PPP2R5E: variants seen among roughly 807,000 people sequenced by gnomAD.
PPP2R5E encodes the protein serine/threonine-protein phosphatase 2A 56 kDa regulatory subunit epsilon isoform.
A neutral mutation model predicts 65.3 loss-of-function variants in PPP2R5E; 4 were observed. The ratio of observed to expected loss-of-function variants is 0.06; its 90% CI spans 0.03 to 0.14. The LOEUF (loss-of-function observed/expected upper bound fraction) is 0.14. Ranked by LOEUF, PPP2R5E falls within the 10% of genes least tolerant of loss-of-function variation. The pLI, the probability that PPP2R5E is intolerant of heterozygous loss-of-function variation, is 1.00. For missense variants in PPP2R5E, 274 were observed against 556.1 expected (o/e 0.49, Z 5.10); for synonymous variants, 183 against 187.4 (o/e 0.98, Z 0.19).
chr14:63,444,193 T>C (rs1258336371), intron 3 of PPP2R5E, among the ~76,000 whole-genome samples: 1 of 152,234 alleles, frequency 6.6e-6, no homozygotes, highest in African/African-American at 2.4e-5. Context: ...TGTAACAACG[T>C]AGCATGACTG....
intron 11 of PPP2R5E, among the ~76,000 whole-genome samples, chr14:63,385,831 G>A (rs1884633147): frequency 6.6e-6 from 1 of 152,138 alleles, no homozygotes; most frequent in South Asian, 2.1e-4. Context: ...CCCTTCCTGT[G>A]CAAGCCAGGA....
chr14:63,510,186 G>A (rs1414030060), intron 2 of PPP2R5E, among the ~76,000 whole-genome samples: 4 of 152,182 alleles, frequency 2.6e-5, no homozygotes, highest in Non-Finnish European at 5.9e-5. Flanking sequence ...GTCCAGCTGA[G>A]CATCAACGAA....
chr14:63,441,130 T>C (rs191994842), intron 3 of PPP2R5E, among the ~76,000 whole-genome samples: 10 of 152,290 alleles, frequency 6.6e-5, no homozygotes, highest in Admixed American at 5.9e-4. Flanking sequence ...AATGTGAAGA[T>C]TGAATTAACT....
At chr14:63,511,040 C>A (rs1892432469) in intron 2 of PPP2R5E, among the ~76,000 whole-genome samples, 2 of 152,212 alleles carry the variant, frequency 1.3e-5, no homozygotes, top group Non-Finnish European at 2.9e-5. Flanking sequence ...ACATTTATGG[C>A]AGATTGCAGA....
At chr14:63,427,684 A>G (rs1178836961) in intron 3 of PPP2R5E, among the ~76,000 whole-genome samples, 1 of 152,178 alleles carries the variant, frequency 6.6e-6, no homozygotes, top group Non-Finnish European at 1.5e-5. Context: ...AAAAGTGGCT[A>G]TAAGGACAAA....
intron 2 of PPP2R5E, among the ~76,000 whole-genome samples, chr14:63,536,501 T>C (rs2139770784): frequency 6.6e-6 from 1 of 152,240 alleles, no homozygotes; most frequent in Admixed American, 6.5e-5. Context: ...CAACATATGA[T>C]CCAGCAATTA....
chr14:63,523,314 T>C (rs1212088311), intron 2 of PPP2R5E, among the ~76,000 whole-genome samples: 2 of 152,028 alleles, frequency 1.3e-5, no homozygotes, highest in East Asian at 1.9e-4. Context: ...GTTGCCGTGT[T>C]TGTGTAGTAG....
At chr14:63,489,359 C>G (rs1891171441) in intron 2 of PPP2R5E, among the ~76,000 whole-genome samples, 1 of 151,876 alleles carries the variant, frequency 6.6e-6, no homozygotes, top group Non-Finnish European at 1.5e-5. Context: ...TTATATAGCC[C>G]CATACTCAAT....
At chr14:63,449,872 A>ATTTTTTTT (rs35931655) in intron 3 of PPP2R5E, among the ~76,000 whole-genome samples, 1 of 105,400 alleles carries the variant, frequency 9.5e-6, no homozygotes, top group African/African-American at 3.9e-5. Context: ...TTCTTTTCCT[A>ATTTTTTTT]TTTTTTTTTT....
chr14:63,474,141 G>A (rs560007434), intron 2 of PPP2R5E, among the ~76,000 whole-genome samples: 30 of 152,354 alleles, frequency 2.0e-4, no homozygotes, highest in African/African-American at 7.2e-4. Flanking sequence ...GGAAGGATTG[G>A]AGACAAAGTG....
intron 12 of PPP2R5E, among the ~76,000 whole-genome samples, chr14:63,382,484 C>A (rs1402705799): frequency 6.6e-6 from 1 of 152,020 alleles, no homozygotes; most frequent in Non-Finnish European, 1.5e-5. Context: ...TCACCGCAAC[C>A]TCCGCCTCTT....
intron 3 of PPP2R5E, among the ~76,000 whole-genome samples, chr14:63,425,760 T>A (rs1887297296): frequency 6.6e-6 from 1 of 152,244 alleles, no homozygotes; most frequent in African/African-American, 2.4e-5. Context: ...AAGCTGGGTA[T>A]TGTGGTTTTG....
At chr14:63,427,195 T>C (rs139021617) in intron 3 of PPP2R5E, among the ~76,000 whole-genome samples, 2 of 152,220 alleles carry the variant, frequency 1.3e-5, no homozygotes, top group Admixed American at 6.5e-5. Context: ...GAAGAGCCTA[T>C]GCGGCTAGAT....
Position 63,391,984 on chromosome 14 carries a change from T to G in PPP2R5E, c.891A>C (p.Ser297=), listed in dbSNP as rs1196188923. ...CIVQFLEKDP[S]LTEPVIRGLM... is the part of the protein sequence containing the mutation. ...AAAAAAGACTTACTGGTTCTGTGAGTGAAGGATCTTTCTCCAGAAACTGTA... is the reference window on the plus strand; with the variant it reads ...AAAAAAGACTTACTGGTTCTGTGAGGGAAGGATCTTTCTCCAGAAACTGTA... Residue 297 remains serine, a synonymous_variant, in exon 9 of 14, where the codon TCA becomes TCC. Transcript: ENST00000337537. 6.2e-7 allele frequency: 1 copy of G among 1,611,128 alleles called. No homozygotes were observed. Among genetic ancestry groups the G allele is most frequent in the Non-Finnish European group, 8.5e-7 (1 of 1,178,948 alleles).
intron 2 of PPP2R5E, among the ~76,000 whole-genome samples, chr14:63,471,451 C>T (rs1890126548): frequency 6.6e-6 from 1 of 152,168 alleles, no homozygotes; most frequent in South Asian, 2.1e-4. Context: ...AGAGCCATTT[C>T]CTGTTTCACA....
Position 63,539,640 on chromosome 14 carries a change from C to T in PPP2R5E, c.46G>A (p.Gly16Arg). Residue 16 changes from glycine to arginine, a missense_variant, in exon 2 of 14, where the codon GGA becomes AGA. By Grantham distance (125) the Gly-to-Arg change is moderately radical (BLOSUM62 -2). Around this residue, in one of 6 missense-constraint regions of PPP2R5E, gnomAD observed 58 missense variants for 64.8 expected, o/e 0.90. Transcript: ENST00000337537. ...TTPPSVDKVD[G>R]FSRKSVRKAR... ...TTTCTGACGGACTTCCGAGAAAATC[C>T]GTCTACTTTATCCACTGATGGAGGA... 1 of 1,613,984 alleles carries T rather than the reference C, an allele frequency of 6.2e-7. No individual in the cohort carries two copies. The highest frequency in any genetic ancestry group is 8.5e-7 in the Non-Finnish European group (1 of 1,179,912).
Position 63,389,728 on chromosome 14 carries a change from T to C in PPP2R5E, c.958A>G (p.Met320Val). 1 of 1,604,498 alleles carries C rather than the reference T, an allele frequency of 6.2e-7. No individual in the cohort carries two copies. The part of the protein sequence containing the change: ...WPKTCSQKEV[M>V]FLGELEEILD... ...ATTTCTTCCAGTTCCCCAAGGAACA[T>C]GACCTGTAAGTACAAGCAAAATACA... is the stretch of plus-strand genomic sequence containing the variant. The change falls in exon 11 of 14, where the codon ATG (methionine) becomes GTG (valine). Residue 320 changes from methionine to valine, a missense_variant. By Grantham distance (21) the Met-to-Val change is conservative (BLOSUM62 1). This residue lies in a region of PPP2R5E where 129 missense variants were observed against 254.9 expected (regional missense o/e 0.51). Coordinates refer to ENST00000337537, the MANE Select transcript of PPP2R5E (RefSeq NM_006246.5).
Position 63,542,330 on chromosome 14 carries a change from T to C in PPP2R5E, c.-8+449A>G, listed in dbSNP as rs527450843. Reference sequence around the variant, plus strand: ...CTCTAATCAGCAGGCATGGGGCATTTCCATGGCTCAGGATAATCCAAAGGG... The same window carrying C: ...CTCTAATCAGCAGGCATGGGGCATTCCCATGGCTCAGGATAATCCAAAGGG... On this transcript the variant is annotated intron_variant, in intron 1 of 13. Coordinates refer to ENST00000337537, the MANE Select transcript of PPP2R5E (RefSeq NM_006246.5). Among the ~76,000 whole-genome samples, 6 of 152,216 alleles carry C rather than the reference T, an allele frequency of 3.9e-5. No homozygotes were observed. In the South Asian group the frequency reaches 1.2e-3, roughly 32 times the overall value.
chr14:63,404,493 A>G (rs952670002), intron 5 of PPP2R5E, among the ~76,000 whole-genome samples: 1 of 152,206 alleles, frequency 6.6e-6, no homozygotes, highest in African/African-American at 2.4e-5. Flanking sequence ...AAGAAACCAG[A>G]GCCAAAGGTA....
Sources: allele counts gnomAD v4.1 joint callset (sites outside exome capture counted in the v4.1 genomes callset), GRCh38; gene constraint gnomAD v4.1.1; regional missense constraint gnomAD v4.1.1; transcripts MANE v1.5; gene names NCBI Gene and HGNC (gene_info 2026-07-23, HGNC 2026-07-21).